The following AJAP1 variants were observed in gnomAD, a reference collection of about 807,000 sequenced individuals.
The protein encoded by AJAP1 is adherens junctions associated protein 1.
AJAP1 carries 5 observed loss-of-function variants against 35.0 expected under a neutral mutation model. That is an observed-to-expected ratio of 0.14 (90% CI 0.07 to 0.30). The LOEUF (loss-of-function observed/expected upper bound fraction) is 0.30, where lower values mean the gene tolerates loss of function less well. AJAP1 is among the 10% of genes least tolerant of loss of function. AJAP1 has a pLI of 1.00. For synonymous variants in AJAP1, 284 were observed against 249.3 expected, an observed-to-expected ratio of 1.14 and a Z score of -1.31; for missense variants, 586 against 571.0, an observed-to-expected ratio of 1.03 and a Z score of -0.27.
At chr1:4,775,186 C>A (rs1227502001) in intron 5 of AJAP1, among the ~76,000 whole-genome samples, 2 of 152,174 alleles carry the variant, frequency 1.3e-5, no homozygotes, top group African/African-American at 4.8e-5. Flanking sequence ...GTGATATTAA[C>A]TTTAATGCTA....
intron 2 of AJAP1, among the ~76,000 whole-genome samples, chr1:4,727,199 A>C (rs1365790355): frequency 6.6e-6 from 1 of 152,160 alleles, no homozygotes; most frequent in Non-Finnish European, 1.5e-5. Flanking sequence ...CGAACGCTGC[A>C]TCTTTGCAGC....
intron 1 of AJAP1, among the ~76,000 whole-genome samples, chr1:4,664,603 TA>T (rs1455070642): frequency 2.0e-5 from 3 of 152,148 alleles, no homozygotes; most frequent in Non-Finnish European, 2.9e-5. Flanking sequence ...GTGTCATTTT[TA>T]CACAGGTGAA....
intron 1 of AJAP1, among the ~76,000 whole-genome samples, chr1:4,695,827 C>T (rs1363531186): frequency 1.3e-5 from 2 of 152,182 alleles, no homozygotes; most frequent in African/African-American, 2.4e-5. Context: ...CGAATGCAGT[C>T]ACACCAAGGT....
chr1:4,667,116 C>A (rs1468241239), intron 1 of AJAP1, among the ~76,000 whole-genome samples: 1 of 152,102 alleles, frequency 6.6e-6, no homozygotes, highest in Admixed American at 6.5e-5. Flanking sequence ...AGGCAGCCCT[C>A]TGGGGCTGTG....
At chr1:4,727,509 C>T (rs1221962666) in intron 2 of AJAP1, among the ~76,000 whole-genome samples, 1 of 152,224 alleles carries the variant, frequency 6.6e-6, no homozygotes, top group Non-Finnish European at 1.5e-5. Context: ...CTGATGTCCT[C>T]CACCTGCATG....
intron 1 of AJAP1, among the ~76,000 whole-genome samples, chr1:4,673,727 G>A (rs1300203225): frequency 6.6e-6 from 1 of 152,198 alleles, no homozygotes; most frequent in East Asian, 1.9e-4. Flanking sequence ...TTGGCCAGAT[G>A]AGGGCGAGTC....
chr1:4,776,852 T>C (rs2100368966), intron 5 of AJAP1, among the ~76,000 whole-genome samples: 1 of 152,314 alleles, frequency 6.6e-6, no homozygotes, highest in East Asian at 1.9e-4. Context: ...CCCCTCCCTG[T>C]GGCTCTCAGG....
At chr1:4,667,552 C>T in intron 1 of AJAP1, among the ~76,000 whole-genome samples, 1 of 152,212 alleles carries the variant, frequency 6.6e-6, no homozygotes, top group East Asian at 1.9e-4. Flanking sequence ...ACCTAGATCC[C>T]TCACATACAT....
At chr1:4,753,067 A>G (rs533069757) in intron 2 of AJAP1, among the ~76,000 whole-genome samples, 2 of 124,118 alleles carry the variant, frequency 1.6e-5, no homozygotes, top group African/African-American at 7.1e-5. Context: ...CAGAGAGCCT[A>G]CCATGAATCT....
intron 2 of AJAP1, among the ~76,000 whole-genome samples, chr1:4,743,575 C>T (rs1197855415): frequency 6.6e-6 from 1 of 152,170 alleles, no homozygotes; most frequent in South Asian, 2.1e-4. Flanking sequence ...TCCATCCGCC[C>T]GACAGCAGGC....
rs568723155 is a variant in AJAP1 at position 4,775,446 on chromosome 1, A to T, written c.*59+888A>T. 2.4e-3 allele frequency among the ~76,000 whole-genome samples: 370 copies of T among 152,326 alleles called. 1 individual carries two copies. Among genetic ancestry groups the T allele is most frequent in the Non-Finnish European group, 4.6e-3 (312 of 68,040 alleles). ...TAGGGAGCCGTATTTCTAGGATAGA[A>T]TACCAATATTTGAAAATATTTTTTT... On this transcript the variant is annotated intron_variant, in intron 5 of 5. Transcript: ENST00000378191.
At position 4,763,320 on chromosome 1, in the gene AJAP1, G is replaced by A. The variant is rs142233908; in HGVS notation, c.830-6533G>A. On this transcript the variant is annotated intron_variant, in intron 2 of 5. Transcript: ENST00000378191. ...TTCACTGTGTTGTTGTGACCAAGCC[G>A]AGTCCTGTGAGATGTCAGCAAAGCA... Among the ~76,000 whole-genome samples, 177 of 152,334 alleles carry A rather than the reference G, an allele frequency of 1.2e-3. 2 individuals are homozygous for A. The East Asian group carries it at 0.029, about 25-fold the overall frequency.
chr1:4,788,048 G>A lies in AJAP1; in HGVS notation c.*5563G>A, dbSNP rs1642196723. On this transcript the variant is annotated 3_prime_UTR_variant, in exon 6 of 6. Coordinates refer to ENST00000378191, the MANE Select transcript of AJAP1 (RefSeq NM_018836.4). ...TAAATAGCACAGCCCACATAAATGA[G>A]CGAAACTCATCATCTGAGGATCTTT... 3.9e-6 allele frequency: 1 copy of A among 257,316 alleles called. No individual in the cohort carries two copies. The highest frequency in any genetic ancestry group is 5.5e-5 in the Admixed American group (1 of 18,076). 15.9% of individuals were successfully genotyped at this position (257,316 alleles called of 1,614,324 possible). A position where few individuals can be genotyped will look rare whatever the true frequency, so the allele number is the denominator to read the frequency against.
chr1:4,789,588 C>T lies in AJAP1; in HGVS notation c.*7103C>T, dbSNP rs1190291055. On this transcript the variant is annotated 3_prime_UTR_variant, in exon 6 of 6. Coordinates refer to ENST00000378191, the MANE Select transcript of AJAP1 (RefSeq NM_018836.4). The surrounding 1 kb of genome is among the most constrained non-coding windows in gnomAD (Gnocchi z 4.4). ...GACTTCAGTCTTGCATGGGCATAAG[C>T]AACTCACACTGGTTAGCTTTTGTCA... 1 of 152,184 alleles carries T rather than the reference C, an allele frequency of 6.6e-6. No individual in the cohort carries two copies. Among genetic ancestry groups the T allele is most frequent in the African/African-American group, 2.4e-5 (1 of 41,454 alleles). The allele number at this position is 152,184 out of a possible 1,614,324, so 9.4% of individuals were successfully genotyped here. A position where few individuals can be genotyped will look rare whatever the true frequency, so the allele number is the denominator to read the frequency against.
At chr1:4,659,955 C>T (rs557291943) in intron 1 of AJAP1, among the ~76,000 whole-genome samples, 3 of 152,196 alleles carry the variant, frequency 2.0e-5, no homozygotes, top group Non-Finnish European at 4.4e-5. Context: ...CTGCATAAAC[C>T]GCCCCTTAAT....
At chr1:4,706,256 G>A (rs981413122) in intron 1 of AJAP1, among the ~76,000 whole-genome samples, 2 of 152,164 alleles carry the variant, frequency 1.3e-5, no homozygotes, top group Non-Finnish European at 2.9e-5. Context: ...TATTCTTTCT[G>A]CTTCCTGGAG....
chr1:4,751,565 A>G (rs961001732), intron 2 of AJAP1, among the ~76,000 whole-genome samples: 1 of 152,194 alleles, frequency 6.6e-6, no homozygotes, highest in Non-Finnish European at 1.5e-5. Flanking sequence ...ACTGTCATGA[A>G]CAAGAGAGAC....
At position 4,782,154 on chromosome 1, in the gene AJAP1, T is replaced by C. The variant is rs1192007822; in HGVS notation, c.*60-391T>C. Among the ~76,000 whole-genome samples the C allele has an allele frequency of 6.6e-6, 1 of 151,706 alleles. No individual in the cohort carries two copies. Among genetic ancestry groups the C allele is most frequent in the African/African-American group, 2.4e-5 (1 of 41,250 alleles). ...CCATGGGAGGAAACTGGACAGAGAG[T>C]GAGAGCAGGGCTGCCACACGCAGGC... On this transcript the variant is annotated intron_variant, in intron 5 of 5. Coordinates refer to ENST00000378191, the MANE Select transcript of AJAP1 (RefSeq NM_018836.4). This position sits in a 1 kb window ranked among gnomAD's most constrained non-coding sequence, Gnocchi z 5.3.
chr1:4,731,316 G>A (rs1640791366), intron 2 of AJAP1, among the ~76,000 whole-genome samples: 1 of 152,174 alleles, frequency 6.6e-6, no homozygotes, highest in African/African-American at 2.4e-5. Flanking sequence ...CTTGAACTCA[G>A]GTGATCCACC....
Sources: allele counts gnomAD v4.1 joint callset (sites outside exome capture counted in the v4.1 genomes callset), GRCh38; gene constraint gnomAD v4.1.1; non-coding constraint Gnocchi (gnomAD v3.1); transcripts MANE v1.5; gene names NCBI Gene and HGNC (gene_info 2026-07-23, HGNC 2026-07-21).